AUTS2: variants seen among roughly 807,000 people sequenced by gnomAD.
AUTS2 encodes autism susceptibility gene 2 protein.
In AUTS2, 17 loss-of-function variants were observed where a neutral mutation model predicts 112.4. That is an observed-to-expected ratio of 0.15 (90% CI 0.10 to 0.23). The LOEUF (loss-of-function observed/expected upper bound fraction) is 0.23. AUTS2 is among the 10% of genes least tolerant of loss of function. The pLI is 1.00. For synonymous variants in AUTS2, 751 were observed against 702.7 expected (o/e 1.07, Z -1.09); for missense variants, 1,510 against 1,701.6 (o/e 0.89, Z 1.98).
chr7:69,975,139 C>A (rs1317706257), intron 2 of AUTS2, among the ~76,000 whole-genome samples: 5 of 151,862 alleles, frequency 3.3e-5, no homozygotes, highest in Admixed American at 1.3e-4. Flanking sequence ...TTTCTTTTGT[C>A]TTTTTCTTTC....
At chr7:70,562,708 G>A (rs2189964) in intron 5 of AUTS2, among the ~76,000 whole-genome samples, 5 of 151,932 alleles carry the variant, frequency 3.3e-5, no homozygotes, top group South Asian at 4.2e-4. Flanking sequence ...AGGCTCAGTC[G>A]GTGTTTGCTG....
intron 2 of AUTS2, among the ~76,000 whole-genome samples, chr7:70,066,302 TTA>T (rs1039849714): frequency 2.0e-5 from 3 of 152,198 alleles, no homozygotes; most frequent in African/African-American, 7.2e-5. Flanking sequence ...ACTTACCAAA[TTA>T]TGTTTAAAAA....
At chr7:69,622,413 C>T (rs1466899967) in intron 1 of AUTS2, among the ~76,000 whole-genome samples, 1 of 152,098 alleles carries the variant, frequency 6.6e-6, no homozygotes, top group East Asian at 1.9e-4. Flanking sequence ...TCAAAGAGCC[C>T]TAATGTGAAT....
intron 2 of AUTS2, among the ~76,000 whole-genome samples, chr7:69,990,271 A>G (rs1330166046): frequency 1.3e-5 from 2 of 152,202 alleles, no homozygotes; most frequent in Non-Finnish European, 2.9e-5. Flanking sequence ...ATCAGCCAGT[A>G]GAAGTATTTT....
At chr7:70,535,629 G>A (rs941825598) in intron 5 of AUTS2, among the ~76,000 whole-genome samples, 1 of 152,056 alleles carries the variant, frequency 6.6e-6, no homozygotes, top group African/African-American at 2.4e-5. Context: ...TAGCCAGGCT[G>A]GTCTCAAACT....
At chr7:69,976,339 T>G (rs1348859926) in intron 2 of AUTS2, among the ~76,000 whole-genome samples, 1 of 152,236 alleles carries the variant, frequency 6.6e-6, no homozygotes. Flanking sequence ...ATTCCTTCCT[T>G]TCTAAGGCTA....
intron 1 of AUTS2, among the ~76,000 whole-genome samples, chr7:69,691,797 G>A (rs565317146): frequency 5.9e-5 from 9 of 152,176 alleles, no homozygotes; most frequent in African/African-American, 1.9e-4. Context: ...AGCATGGGCC[G>A]CTGCTGCCAT....
At chr7:70,736,988 C>T (rs1383531132) in intron 6 of AUTS2, among the ~76,000 whole-genome samples, 1 of 152,180 alleles carries the variant, frequency 6.6e-6, no homozygotes, top group Non-Finnish European at 1.5e-5. Flanking sequence ...CAGAAGGGAT[C>T]ATTTCCCTCA....
At chr7:69,989,766 T>C (rs1798665580) in intron 2 of AUTS2, among the ~76,000 whole-genome samples, 4 of 152,168 alleles carry the variant, frequency 2.6e-5, no homozygotes, top group Admixed American at 1.3e-4. Context: ...TACCTGTCCA[T>C]AGCCCATTGG....
intron 4 of AUTS2, among the ~76,000 whole-genome samples, chr7:70,416,004 A>G (rs1794973543): frequency 6.6e-6 from 1 of 152,200 alleles, no homozygotes; most frequent in South Asian, 2.1e-4. Context: ...TTGCCACTCA[A>G]GAGTGGTTCT....
chr7:70,322,789 A>G (rs1164089818), intron 4 of AUTS2, among the ~76,000 whole-genome samples: 1 of 152,206 alleles, frequency 6.6e-6, no homozygotes, highest in Non-Finnish European at 1.5e-5. Context: ...TGCTGGTACC[A>G]GGAATGCCCT....
At chr7:70,223,865 T>TTTTGG (rs1447034619) in intron 4 of AUTS2, among the ~76,000 whole-genome samples, 1 of 151,552 alleles carries the variant, frequency 6.6e-6, no homozygotes, top group Non-Finnish European at 1.5e-5. Flanking sequence ...TTTTTTTTTT[T>TTTTGG]TTGGTTGGTT....
At chr7:70,422,602 C>T (rs1210330279) in intron 4 of AUTS2, among the ~76,000 whole-genome samples, 1 of 152,034 alleles carries the variant, frequency 6.6e-6, no homozygotes, top group Non-Finnish European at 1.5e-5. Context: ...CCTGGTGAAA[C>T]CCTGTCTGTA....
chr7:69,703,074 A>G (rs1218775757), intron 1 of AUTS2, among the ~76,000 whole-genome samples: 1 of 152,192 alleles, frequency 6.6e-6, no homozygotes, highest in Non-Finnish European at 1.5e-5. Context: ...CTTTTGTACC[A>G]ACAGTATAAA....
chr7:70,084,580 G>C (rs1803493345), intron 2 of AUTS2, among the ~76,000 whole-genome samples: 1 of 152,048 alleles, frequency 6.6e-6, no homozygotes, highest in African/African-American at 2.4e-5. Context: ...ATCCTAATAG[G>C]TATATAGTGC....
In AUTS2 at chr7:69,867,899, A is replaced by G. The variant is rs146344363; in HGVS notation, c.310-31387A>G. Reference sequence around the variant, plus strand: ...GATAAATTTGAATCTAGATAAACAAATAATTATTTTTTAGTATAAGTATGT... The same window carrying G: ...GATAAATTTGAATCTAGATAAACAAGTAATTATTTTTTAGTATAAGTATGT... On this transcript the variant is annotated intron_variant, in intron 1 of 18. Coordinates refer to ENST00000342771, the MANE Select transcript of AUTS2 (RefSeq NM_015570.4). 9.6e-4 allele frequency among the ~76,000 whole-genome samples: 146 copies of G among 152,324 alleles called. 1 individual carries two copies. The highest frequency in any genetic ancestry group is 3.4e-3 in the African/African-American group (142 of 41,578).
chr7:69,709,243 G>C (rs1290397344), intron 1 of AUTS2, among the ~76,000 whole-genome samples: 2 of 152,148 alleles, frequency 1.3e-5, no homozygotes, highest in Admixed American at 6.5e-5. Context: ...GCGAAACCAG[G>C]CTCAGACTCC....
At chr7:70,667,686 G>A (rs1807416760) in intron 5 of AUTS2, among the ~76,000 whole-genome samples, 1 of 152,196 alleles carries the variant, frequency 6.6e-6, no homozygotes, top group Non-Finnish European at 1.5e-5. Flanking sequence ...AAATTCTGCT[G>A]ACTTAACACA....
At chr7:69,736,745 C>G (rs952087178) in intron 1 of AUTS2, among the ~76,000 whole-genome samples, 44 of 152,124 alleles carry the variant, frequency 2.9e-4, no homozygotes, top group African/African-American at 7.7e-4. Context: ...TGGTGTTATT[C>G]TCTGGTAAGG....
Sources: allele counts gnomAD v4.1 joint callset (sites outside exome capture counted in the v4.1 genomes callset), GRCh38; gene constraint gnomAD v4.1.1; transcripts MANE v1.5; gene names NCBI Gene and HGNC (gene_info 2026-07-23, HGNC 2026-07-21).